The following ADGRB3 variants were observed in gnomAD, a reference collection of about 807,000 sequenced individuals.
ADGRB3 encodes brain-specific angiogenesis inhibitor 3.
In ADGRB3, 37 loss-of-function variants were observed where a neutral mutation model predicts 193.4. That is an observed-to-expected ratio of 0.19 (90% CI 0.15 to 0.25). The LOEUF (loss-of-function observed/expected upper bound fraction) is 0.25. ADGRB3 is among the 10% of genes least tolerant of loss of function. The pLI is 1.00. For synonymous variants in ADGRB3, 690 were observed against 644.2 expected, an observed-to-expected ratio of 1.07 and a Z score of -1.08; for missense variants, 1,637 against 1,852.9, an observed-to-expected ratio of 0.88 and a Z score of 2.14.
chr6:69,381,069 C>T (rs893111937), intron 30 of ADGRB3, among the ~76,000 whole-genome samples: 1 of 151,740 alleles, frequency 6.6e-6, no homozygotes, highest in Admixed American at 6.6e-5. Context: ...ATATTTTCAT[C>T]AGTATCTTAG....
chr6:68,809,724 A>G (rs1461699701), intron 3 of ADGRB3, among the ~76,000 whole-genome samples: 1 of 152,192 alleles, frequency 6.6e-6, no homozygotes, highest in African/African-American at 2.4e-5. Context: ...AAAGTGATTA[A>G]TTATTAATGA....
chr6:69,264,629 C>G (rs1012353312), intron 20 of ADGRB3, among the ~76,000 whole-genome samples: 1 of 151,776 alleles, frequency 6.6e-6, no homozygotes, highest in African/African-American at 2.4e-5. Flanking sequence ...TGCATTCTCG[C>G]TCTAGGTCTT....
Position 68,754,388 on chromosome 6 carries a change from A to G in ADGRB3, c.757+114956A>G, listed in dbSNP as rs546992050. 1.6e-3 allele frequency among the ~76,000 whole-genome samples: 250 copies of G among 152,302 alleles called. 2 individuals are homozygous for G. Among genetic ancestry groups the G allele is most frequent in the African/African-American group, 5.9e-3 (245 of 41,586 alleles). ...CACCAAGTGTAACTGAAAATCAAAA[A>G]GAAGATAAACTTCCCTCTCTCTTGT... On this transcript the variant is annotated intron_variant, in intron 3 of 31. Transcript: ENST00000370598.
intron 3 of ADGRB3, among the ~76,000 whole-genome samples, chr6:68,875,469 A>G (rs1765573281): frequency 6.6e-6 from 1 of 151,860 alleles, no homozygotes; most frequent in Admixed American, 6.6e-5. Context: ...TTAAGATCAC[A>G]TCTAGCAACA....
chr6:68,736,959 TA>T (rs926713051), intron 3 of ADGRB3, among the ~76,000 whole-genome samples: 1 of 152,050 alleles, frequency 6.6e-6, no homozygotes, highest in African/African-American at 2.4e-5. Flanking sequence ...CACCTTTTGA[TA>T]AGGATATTTT....
chr6:69,062,240 T>A (rs1771769681), intron 15 of ADGRB3, among the ~76,000 whole-genome samples: 1 of 151,990 alleles, frequency 6.6e-6, no homozygotes, highest in South Asian at 2.1e-4. Context: ...TTCAGTTTTA[T>A]GTTTATATTG....
chr6:68,874,772 G>A (rs146488714), intron 3 of ADGRB3, among the ~76,000 whole-genome samples: 13 of 151,970 alleles, frequency 8.6e-5, no homozygotes, highest in Middle Eastern at 3.4e-3. Flanking sequence ...CAAACTCTTC[G>A]CTATTTTCAT....
chr6:69,236,106 A>C (rs1766260769), intron 19 of ADGRB3, among the ~76,000 whole-genome samples: 1 of 152,022 alleles, frequency 6.6e-6, no homozygotes, highest in African/African-American at 2.4e-5. Context: ...CAGTTGAAAA[A>C]TGAATTACAA....
At chr6:68,802,675 C>T (rs1268553665) in intron 3 of ADGRB3, among the ~76,000 whole-genome samples, 1 of 152,122 alleles carries the variant, frequency 6.6e-6, no homozygotes, top group Non-Finnish European at 1.5e-5. Context: ...AACAGTTGAA[C>T]TCATGGTCAT....
chr6:69,331,107 T>C (rs924989144), intron 23 of ADGRB3, among the ~76,000 whole-genome samples: 2 of 152,132 alleles, frequency 1.3e-5, no homozygotes, highest in Non-Finnish European at 2.9e-5. Context: ...TACATACCAG[T>C]AGTACCCCCT....
At chr6:69,107,095 A>T (rs1249156667) in intron 17 of ADGRB3, among the ~76,000 whole-genome samples, 2 of 152,226 alleles carry the variant, frequency 1.3e-5, no homozygotes, top group African/African-American at 4.8e-5. Context: ...AAAAAGTCTA[A>T]GTAAATCTGT....
intron 24 of ADGRB3, among the ~76,000 whole-genome samples, chr6:69,336,334 C>T (rs1768846370): frequency 6.6e-6 from 1 of 151,498 alleles, no homozygotes. Context: ...TTATCTACTG[C>T]CTTAAACGTC....
At chr6:69,035,038 T>C (rs1441285287) in intron 13 of ADGRB3, among the ~76,000 whole-genome samples, 1 of 152,086 alleles carries the variant, frequency 6.6e-6, no homozygotes, top group Non-Finnish European at 1.5e-5. Context: ...AGAGTTGATG[T>C]GTTAATTTTA....
intron 17 of ADGRB3, among the ~76,000 whole-genome samples, chr6:69,086,838 AAC>A (rs1298452841): frequency 6.6e-6 from 1 of 152,126 alleles, no homozygotes; most frequent in African/African-American, 2.4e-5. Context: ...GGCAATAGTG[AAC>A]AGTTTCAAAA....
At chr6:68,985,670 A>C (rs1769049520) in intron 10 of ADGRB3, among the ~76,000 whole-genome samples, 1 of 152,182 alleles carries the variant, frequency 6.6e-6, no homozygotes, top group Non-Finnish European at 1.5e-5. Context: ...TGTAATAAAC[A>C]GAGCCTCCCT....
chr6:69,103,563 A>G (rs1022513903), intron 17 of ADGRB3, among the ~76,000 whole-genome samples: 4 of 151,982 alleles, frequency 2.6e-5, no homozygotes, highest in Non-Finnish European at 5.9e-5. Context: ...TATGGCTTTA[A>G]TCCAATTTTT....
intron 20 of ADGRB3, among the ~76,000 whole-genome samples, chr6:69,302,531 A>G (rs918930802): frequency 2.6e-5 from 4 of 151,950 alleles, no homozygotes; most frequent in African/African-American, 9.7e-5. Context: ...CACTGAAGGC[A>G]TCAAAGTGGT....
chr6:69,003,494 C>T (rs1246964583), intron 11 of ADGRB3, among the ~76,000 whole-genome samples: 1 of 152,010 alleles, frequency 6.6e-6, no homozygotes, highest in African/African-American at 2.4e-5. Context: ...CAATCAATAG[C>T]CAGGATGCCT....
chr6:69,228,837 C>T (rs1379736260), intron 17 of ADGRB3, among the ~76,000 whole-genome samples: 1 of 152,140 alleles, frequency 6.6e-6, no homozygotes, highest in Non-Finnish European at 1.5e-5. Context: ...AAAAACCCAG[C>T]TTTGCTTCTC....
Sources: allele counts gnomAD v4.1 joint callset (sites outside exome capture counted in the v4.1 genomes callset), GRCh38; gene constraint gnomAD v4.1.1; transcripts MANE v1.5; gene names NCBI Gene and HGNC (gene_info 2026-07-23, HGNC 2026-07-21).